Variants in FBN1 observed in about 807,000 individuals in gnomAD.
FBN1 encodes the protein fibrillin 1.
Under a neutral mutation model 365.1 loss-of-function variants are expected in FBN1, and 29 were observed. The ratio of observed to expected loss-of-function variants is 0.08; its 90% CI spans 0.06 to 0.11. The LOEUF (loss-of-function observed/expected upper bound fraction) is 0.11, where lower values mean the gene tolerates loss of function less well. Ranked by LOEUF, FBN1 falls within the 10% of genes least tolerant of loss-of-function variation. FBN1 has a pLI of 1.00. For missense variants in FBN1, 2,476 were observed against 3,703.2 expected, an observed-to-expected ratio of 0.67 and a Z score of 8.60; for synonymous variants, 1,210 against 1,270.5, an observed-to-expected ratio of 0.95 and a Z score of 1.01.
At chr15:48,456,065 G>GT (rs1254015008) in intron 44 of FBN1, among the ~76,000 whole-genome samples, 2 of 152,046 alleles carry the variant, frequency 1.3e-5, no homozygotes, top group Non-Finnish European at 1.5e-5. Context: ...AAAATATGAA[G>GT]TGCTATAAGG....
chr15:48,593,462 C>T (rs921642324), intron 6 of FBN1, among the ~76,000 whole-genome samples: 2 of 152,158 alleles, frequency 1.3e-5, no homozygotes, highest in Non-Finnish European at 2.9e-5. Flanking sequence ...AAATGACAGT[C>T]TTGTGGACCT....
intron 22 of FBN1, among the ~76,000 whole-genome samples, chr15:48,494,596 T>A (rs1197219598): frequency 6.6e-6 from 1 of 152,226 alleles, no homozygotes; most frequent in Non-Finnish European, 1.5e-5. Context: ...AGAATTACTT[T>A]AACCTGAATA....
intron 55 of FBN1, 66 bp downstream of exon 55, chr15:48,432,800 T>C (rs1395323849): frequency 1.6e-5 from 25 of 1,591,200 alleles, no homozygotes; most frequent in Non-Finnish European, 2.0e-5. Context: ...AAGGGAAGCT[T>C]TGAGGGACAT....
chr15:48,507,155 G>A (rs866462530), intron 15 of FBN1, among the ~76,000 whole-genome samples: 2 of 152,220 alleles, frequency 1.3e-5, no homozygotes, highest in African/African-American at 4.8e-5. Flanking sequence ...GAGGCATGAA[G>A]AGTGAATCTT....
chr15:48,486,432 A>T (rs1463484177), intron 29 of FBN1, among the ~76,000 whole-genome samples: 2 of 152,192 alleles, frequency 1.3e-5, no homozygotes, highest in Non-Finnish European at 2.9e-5. Context: ...CTCGGGGCAC[A>T]ATAAAGCCAC....
At chr15:48,503,680 G>T in intron 17 of FBN1, 107 bp downstream of exon 17, 1 of 1,468,534 alleles carries the variant, frequency 6.8e-7, no homozygotes, top group Non-Finnish European at 9.5e-7. Flanking sequence ...GGCACATGGC[G>T]TACCTGGAGA....
chr15:48,432,783 T>C (rs2043033636), intron 55 of FBN1, 83 bp downstream of exon 55: 1 of 1,545,494 alleles, frequency 6.5e-7, no homozygotes, highest in Non-Finnish European at 8.9e-7. Flanking sequence ...CCCAGCCTTC[T>C]CCTACTAAGG....
At chr15:48,412,805 AAG>A in intron 64 of FBN1, 62 bp from the exon 65 acceptor site, 1 of 1,593,558 alleles carries the variant, frequency 6.3e-7, no homozygotes, top group South Asian at 1.1e-5. Context: ...TAGGTGGTAC[AAG>A]AGTTCTGGTG....
Position 48,465,903 on chromosome 15 carries a change from T to G in FBN1, c.4748-45A>C, listed in dbSNP as rs544505252. 1.9e-5 allele frequency: 25 copies of G among 1,341,954 alleles called. No homozygotes were observed. The East Asian group carries it at 5.6e-4, about 30-fold the overall frequency. 83.1% of individuals were successfully genotyped at this position (1,341,954 alleles called of 1,614,324 possible). Reference sequence around the variant, plus strand: ...AATTGAGTTGTTTTGAATCTAAAGTTTTTAGAAATAGTATCCTCAAGAGAA... The same window carrying G: ...AATTGAGTTGTTTTGAATCTAAAGTGTTTAGAAATAGTATCCTCAAGAGAA... On this transcript the variant is annotated intron_variant, in intron 38 of 65. Coordinates refer to ENST00000316623, the MANE Select transcript of FBN1 (RefSeq NM_000138.5).
At chr15:48,414,693 G>A (rs993648508) in intron 64 of FBN1, among the ~76,000 whole-genome samples, 4 of 152,044 alleles carry the variant, frequency 2.6e-5, no homozygotes, top group Non-Finnish European at 4.4e-5. Flanking sequence ...TCCGGAGATC[G>A]AGACCATCCT....
chr15:48,417,041 C>T (rs2042907669), intron 63 of FBN1, among the ~76,000 whole-genome samples: 1 of 152,198 alleles, frequency 6.6e-6, no homozygotes, highest in African/African-American at 2.4e-5. Context: ...CAAGATCTCA[C>T]AGCCAGCAGC....
intron 8 of FBN1, among the ~76,000 whole-genome samples, chr15:48,528,642 C>A (rs2043938430): frequency 6.6e-6 from 1 of 152,164 alleles, no homozygotes; most frequent in South Asian, 2.1e-4. Flanking sequence ...CACCTAGGTA[C>A]ATGCCTTTGA....
Position 48,582,106 on chromosome 15 carries a change from G to T in FBN1, c.538+14177C>A, listed in dbSNP as rs535860333. On this transcript the variant is annotated intron_variant, in intron 6 of 65. Coordinates refer to ENST00000316623, the MANE Select transcript of FBN1 (RefSeq NM_000138.5). Reference sequence around the variant, plus strand: ...ACTGTTGTGTTCATGGTTTTAAAAAGTCGAGGGAAAAAACTATCGGCTAAA... The same window carrying T: ...ACTGTTGTGTTCATGGTTTTAAAAATTCGAGGGAAAAAACTATCGGCTAAA... 2.0e-5 allele frequency among the ~76,000 whole-genome samples: 3 copies of T among 152,306 alleles called. No homozygotes were observed. The South Asian group carries it at 6.2e-4, about 32-fold the overall frequency.
chr15:48,600,341 T>C (rs2044552535), intron 4 of FBN1, 107 bp from the exon 5 acceptor site: 1 of 781,670 alleles, frequency 1.3e-6, no homozygotes, highest in East Asian at 2.6e-5. Flanking sequence ...AAATAGCTTA[T>C]CAGGATTCAT....
chr15:48,495,056 T>G lies in FBN1; in HGVS notation c.2677+67A>C, dbSNP rs964052976. The G allele has an allele frequency of 3.1e-6, 5 of 1,594,282 alleles. No homozygotes were observed. The Admixed American group carries it at 6.7e-5, about 21-fold the overall frequency. On this transcript the variant is annotated intron_variant, in intron 22 of 65. Transcript: ENST00000316623. The stretch of plus-strand genomic sequence containing the variant: ...ATGTGAGCCTAGATAAATGAAATAC[T>G]AGGCTTCCCCTTTTTATGCAAAGAC...
At position 48,465,857 on chromosome 15, in the gene FBN1, G is replaced by A. The variant is rs1275608178; in HGVS notation, c.4749C>T (p.Ser1583=). The A allele has an allele frequency of 4.3e-6, 7 of 1,610,424 alleles. No individual in the cohort carries two copies. Among genetic ancestry groups the A allele is most frequent in the South Asian group, 3.3e-5 (3 of 90,948 alleles). The change falls in exon 39 of 66, where the codon TCC becomes TCT. Residue 1583 remains serine, a splice_region_variant and synonymous_variant. Transcript: ENST00000316623. ...CTCCAGGACAAAGAATTTTGTACTC[G>A]GCTATTGAAACAAAAATTCAAATTG... The part of the protein sequence containing the change: ...PCEMCPAVNT[S]EYKILCPGGE...
At chr15:48,440,412 C>T (rs1437701940) in intron 50 of FBN1, among the ~76,000 whole-genome samples, 1 of 152,192 alleles carries the variant, frequency 6.6e-6, no homozygotes, top group African/African-American at 2.4e-5. Context: ...AGATTCACAC[C>T]TGGTTTCTCA....
intron 47 of FBN1, 125 bp downstream of exon 47, chr15:48,446,581 C>A: frequency 1.3e-6 from 1 of 743,812 alleles, no homozygotes; most frequent in Non-Finnish European, 2.5e-6. Context: ...AGTCCCATAA[C>A]CAATTGTTAT....
At chr15:48,620,827 T>C (rs1889751889) in intron 2 of FBN1, among the ~76,000 whole-genome samples, 1 of 152,168 alleles carries the variant, frequency 6.6e-6, no homozygotes, top group Non-Finnish European at 1.5e-5. Context: ...TGGTTGCTAA[T>C]ACTATTATTC....
Sources: gnomAD v4.1 joint callset for allele counts (sites outside exome capture counted in the v4.1 genomes callset) on GRCh38, gnomAD v4.1.1 for gene constraint, MANE v1.5 for transcripts, NCBI Gene and HGNC (gene_info 2026-07-23, HGNC 2026-07-21) for gene names.